Variants in CD58 observed in about 807,000 individuals in gnomAD.
CD58 encodes lymphocyte function-associated antigen 3.
Under a neutral mutation model 27.6 loss-of-function variants are expected in CD58, and 14 were observed. The observed-to-expected ratio is 0.51, with a 90% CI of 0.34 to 0.79. The LOEUF (loss-of-function observed/expected upper bound fraction) is 0.79, where lower values mean the gene tolerates loss of function less well. Among genes scored for constraint, CD58 ranks in the 30% least tolerant of loss-of-function variants. The probability of loss-of-function intolerance (pLI) is 0.02; values close to 1 mark genes in which losing one functional copy is unlikely to be tolerated. For synonymous variants in CD58, 117 were observed against 103.8 expected, an observed-to-expected ratio of 1.13 and a Z score of -0.77; for missense variants, 268 against 301.7, an observed-to-expected ratio of 0.89 and a Z score of 0.83.
Position 116,525,146 on chromosome 1 carries a change from C to T in CD58, c.629-3163G>A, listed in dbSNP as rs149280462. On this transcript the variant is annotated intron_variant, in intron 3 of 5. Coordinates refer to ENST00000369489, the MANE Select transcript of CD58 (RefSeq NM_001779.3). ...GGTTTGGACAAATGTATAATAACAT[C>T]GTTACAGTATCATACAGAGTATTTT... is the stretch of plus-strand genomic sequence containing the variant. 3.2e-3 allele frequency among the ~76,000 whole-genome samples: 487 copies of T among 152,294 alleles called. 24 individuals are homozygous for T. In the East Asian group the frequency reaches 0.084, roughly 26 times the overall value.
chr1:116,547,066 GT>G (rs61478445), intron 1 of CD58, among the ~76,000 whole-genome samples: 390 of 137,182 alleles, frequency 2.8e-3, no homozygotes, highest in African/African-American at 5.7e-3. Context: ...ACATGGATAA[GT>G]TTTTTTTTTT....
rs1418732145 is a variant in CD58 at position 116,541,243 on chromosome 1, CTT to C, written c.364+3066_364+3067del. ...GTGATCTAAATTCTGACTCAATCCTCTTGTTTGTTGGCCCTATCTATAAATTA... is the reference window on the plus strand; with the variant it reads ...GTGATCTAAATTCTGACTCAATCCTCGTTTGTTGGCCCTATCTATAAATTA... On this transcript the variant is annotated intron_variant, in intron 2 of 5. Coordinates refer to ENST00000369489, the MANE Select transcript of CD58 (RefSeq NM_001779.3). The surrounding 1 kb of genome is among the most constrained non-coding windows in gnomAD (Gnocchi z 5.3). Among the ~76,000 whole-genome samples the C allele has an allele frequency of 3.9e-5, 6 of 152,220 alleles. No individual in the cohort carries two copies. Among genetic ancestry groups the C allele is most frequent in the African/African-American group, 1.4e-4 (6 of 41,452 alleles).
intron 1 of CD58, among the ~76,000 whole-genome samples, chr1:116,555,862 G>A (rs1658541032): frequency 6.6e-6 from 1 of 152,044 alleles, no homozygotes; most frequent in South Asian, 2.1e-4. Context: ...TTATTACTCA[G>A]GGCCTGAGAT....
chr1:116,570,830 C>A lies in CD58; in HGVS notation c.70+73G>T, dbSNP rs1659115484. On this transcript the variant is annotated intron_variant, in intron 1 of 5. Transcript: ENST00000369489. The surrounding 1 kb of genome is among the most constrained non-coding windows in gnomAD (Gnocchi z 6.4). ...TGATCGGCAACCGCCTCGAGCCCGG[C>A]GCGTCCACCCAGCCTGGGTGCTGCC... The A allele has an allele frequency of 4.0e-6, 5 of 1,237,760 alleles. No homozygotes were observed. Among genetic ancestry groups the A allele is most frequent in the Middle Eastern group, 2.6e-4 (1 of 3,794 alleles). The allele number at this position is 1,237,760 out of a possible 1,614,324, so 76.7% of individuals were successfully genotyped here.
rs1402052974 is a variant in CD58, at chr1:116,552,326, T to A, written c.71-7722A>T. Among the ~76,000 whole-genome samples the A allele has an allele frequency of 6.6e-6, 1 of 152,128 alleles. No individual in the cohort carries two copies. Among genetic ancestry groups the A allele is most frequent in the African/African-American group, 2.4e-5 (1 of 41,422 alleles). ...CATGGTTCTTGGCATCCCAAAACAATGACAACAGTAACATCAAAGATCACT... is the reference window on the plus strand; with the variant it reads ...CATGGTTCTTGGCATCCCAAAACAAAGACAACAGTAACATCAAAGATCACT... On this transcript the variant is annotated intron_variant, in intron 1 of 5. Coordinates refer to ENST00000369489, the MANE Select transcript of CD58 (RefSeq NM_001779.3). This position sits in a 1 kb window ranked among gnomAD's most constrained non-coding sequence, Gnocchi z 4.5.
At chr1:116,556,368 T>TTAAGC (rs143410415) in intron 1 of CD58, among the ~76,000 whole-genome samples, 3 of 151,952 alleles carry the variant, frequency 2.0e-5, no homozygotes, top group East Asian at 1.9e-4. Flanking sequence ...CAATGTTAAG[T>TTAAGC]AATGAAGCCA....
At chr1:116,551,564 C>T (rs549224990) in intron 1 of CD58, among the ~76,000 whole-genome samples, 1 of 152,170 alleles carries the variant, frequency 6.6e-6, no homozygotes, top group Non-Finnish European at 1.5e-5. Flanking sequence ...ATGCAGACTA[C>T]TCGAACTTTC....
chr1:116,518,616 C>G, intron 5 of CD58: 1 of 955,402 alleles, frequency 1.0e-6, no homozygotes, highest in Non-Finnish European at 1.2e-6. Context: ...CTTAACTCTT[C>G]CCCTCATCCC....
At chr1:116,542,208 G>A (rs924620197) in intron 2 of CD58, among the ~76,000 whole-genome samples, 12 of 152,228 alleles carry the variant, frequency 7.9e-5, no homozygotes, top group Non-Finnish European at 1.6e-4. Flanking sequence ...AACCCGGGAG[G>A]CATAGGTTGC....
At position 116,519,747 on chromosome 1, in the gene CD58, C is replaced by G. The variant is rs760809893; in HGVS notation, c.707-480G>C. Among the ~76,000 whole-genome samples the G allele has an allele frequency of 6.6e-6, 1 of 152,034 alleles. No individual in the cohort carries two copies. The highest frequency in any genetic ancestry group is 2.4e-5 in the African/African-American group (1 of 41,414). ...ATTTTTTAATGAGATATTTTATATT[C>G]TTTCACACACGGTCTTAGAAACATA... On this transcript the variant is annotated intron_variant, in intron 4 of 5. Transcript: ENST00000369489. The surrounding 1 kb of genome is among the most constrained non-coding windows in gnomAD (Gnocchi z 4.7).
In CD58 at chr1:116,567,690, T is replaced by C. The variant is rs1658986243; in HGVS notation, c.70+3213A>G. 1.3e-5 allele frequency among the ~76,000 whole-genome samples: 2 copies of C among 152,164 alleles called. 1 individual carries two copies. The highest frequency in any genetic ancestry group is 1.3e-4 in the Admixed American group (2 of 15,270). ...TAATGGATTCTGGGAAGAATCACCATAGGATACTAAAACCACTGAATGAAC... is the reference window on the plus strand; with the variant it reads ...TAATGGATTCTGGGAAGAATCACCACAGGATACTAAAACCACTGAATGAAC... On this transcript the variant is annotated intron_variant, in intron 1 of 5. Transcript: ENST00000369489.
At chr1:116,566,475 C>T (rs901161099) in intron 1 of CD58, among the ~76,000 whole-genome samples, 5 of 152,176 alleles carry the variant, frequency 3.3e-5, no homozygotes, top group African/African-American at 1.2e-4. Flanking sequence ...TACCTGTGGG[C>T]ACACTTTGCA....
At position 116,544,484 on chromosome 1, in the gene CD58, G is replaced by C. The variant is rs1557839041; in HGVS notation, c.191C>G (p.Ala64Gly). The change falls in exon 2 of 6, where the codon GCA becomes GGA. Residue 64 changes from alanine (A) to glycine (G), a missense_variant. Transcript: ENST00000369489. ...TCTGAATTCAGAATTTTCCAGTTCT[G>C]CAACTTTATCCTTTTGTTTTTTCCA... Reference protein sequence around the residue: ...VLWKKQKDKVAELENSEFRAF... With the variant: ...VLWKKQKDKVGELENSEFRAF... 3 of 1,613,996 alleles carry C rather than the reference G, an allele frequency of 1.9e-6. No individual in the cohort carries two copies. The highest frequency in any genetic ancestry group is 2.5e-6 in the Non-Finnish European group (3 of 1,179,936).
chr1:116,528,950 C>A lies in CD58; in HGVS notation c.629-6967G>T, dbSNP rs1387026256. On this transcript the variant is annotated intron_variant, in intron 3 of 5. Coordinates refer to ENST00000369489, the MANE Select transcript of CD58 (RefSeq NM_001779.3). The surrounding 1 kb of genome is among the most constrained non-coding windows in gnomAD (Gnocchi z 4.4). ...ACCATTGGCTGTATATAATGTTATA[C>A]CAAATGTCCTCTCTTGAAACTCTTC... is the stretch of plus-strand genomic sequence containing the variant. Among the ~76,000 whole-genome samples the A allele has an allele frequency of 6.6e-6, 1 of 152,178 alleles. No individual in the cohort carries two copies. The highest frequency in any genetic ancestry group is 1.5e-5 in the Non-Finnish European group (1 of 68,036).
Position 116,538,667 on chromosome 1 carries a change from T to C in CD58, c.365-2439A>G, listed in dbSNP as rs996249211. On this transcript the variant is annotated intron_variant, in intron 2 of 5. Transcript: ENST00000369489. This position sits in a 1 kb window ranked among gnomAD's most constrained non-coding sequence, Gnocchi z 4.7. ...TAATGTATTGATCTAGCTCTGCCAA[T>C]GTCTAGTCTTTCATCCAGCACTTTC... Among the ~76,000 whole-genome samples, 1 of 152,212 alleles carries C rather than the reference T, an allele frequency of 6.6e-6. No individual in the cohort carries two copies. Among genetic ancestry groups the C allele is most frequent in the Non-Finnish European group, 1.5e-5 (1 of 68,034 alleles).
Position 116,521,824 on chromosome 1 carries a change from T to A in CD58, c.706+82A>T. 1 of 913,042 alleles carries A rather than the reference T, an allele frequency of 1.1e-6. No individual in the cohort carries two copies. The allele number at this position is 913,042 out of a possible 1,614,324, so 56.6% of individuals were successfully genotyped here. ...TTCAAATGTCTAAAATTTCAAACTT[T>A]ATTTTCATCCTTAAACTATTTTCTG... On this transcript the variant is annotated intron_variant, in intron 4 of 5. Coordinates refer to ENST00000369489, the MANE Select transcript of CD58 (RefSeq NM_001779.3). This position sits in a 1 kb window ranked among gnomAD's most constrained non-coding sequence, Gnocchi z 5.6.
In CD58 at chr1:116,519,057, C is replaced by T; in HGVS notation, c.743+174G>A. ...TATGCAGAGAGTGGCTAGTGCAGTGCATGGCACACAGTTGGTACTTAATAC... is the reference window on the plus strand; with the variant it reads ...TATGCAGAGAGTGGCTAGTGCAGTGTATGGCACACAGTTGGTACTTAATAC... On this transcript the variant is annotated intron_variant, in intron 5 of 5. Transcript: ENST00000369489. This position sits in a 1 kb window ranked among gnomAD's most constrained non-coding sequence, Gnocchi z 4.7. 1 of 1,364,664 alleles carries T rather than the reference C, an allele frequency of 7.3e-7. No homozygotes were observed. The allele number at this position is 1,364,664 out of a possible 1,614,324, so 84.5% of individuals were successfully genotyped here.
chr1:116,562,929 C>T (rs920473838), intron 1 of CD58, among the ~76,000 whole-genome samples: 1 of 152,172 alleles, frequency 6.6e-6, no homozygotes, highest in Non-Finnish European at 1.5e-5. Context: ...GCCCTTCCAA[C>T]AGTCCCTCAA....
In CD58 at chr1:116,534,376, T is replaced by G. The variant is rs1208280634; in HGVS notation, c.628+1589A>C. ...AATTCCTAAACATCTAATAAAGAGGTCCTGGACGTCTCCACCTTAAAAACG... is the reference window on the plus strand; with the variant it reads ...AATTCCTAAACATCTAATAAAGAGGGCCTGGACGTCTCCACCTTAAAAACG... On this transcript the variant is annotated intron_variant, in intron 3 of 5. Coordinates refer to ENST00000369489, the MANE Select transcript of CD58 (RefSeq NM_001779.3). This position sits in a 1 kb window ranked among gnomAD's most constrained non-coding sequence, Gnocchi z 5.3. Among the ~76,000 whole-genome samples, 4 of 152,102 alleles carry G rather than the reference T, an allele frequency of 2.6e-5. No homozygotes were observed. Among genetic ancestry groups the G allele is most frequent in the African/African-American group, 7.2e-5 (3 of 41,416 alleles).
Sources: gnomAD v4.1 joint callset for allele counts (sites outside exome capture counted in the v4.1 genomes callset) on GRCh38, gnomAD v4.1.1 for gene constraint, Gnocchi (gnomAD v3.1) non-coding constraint, MANE v1.5 for transcripts, NCBI Gene and HGNC (gene_info 2026-07-23, HGNC 2026-07-21) for gene names.